Variants in RABGAP1L observed in about 807,000 individuals in gnomAD.
RABGAP1L encodes rab GTPase-activating protein 1-like.
A neutral mutation model predicts 137.7 loss-of-function variants in RABGAP1L; 63 were observed. That is an observed-to-expected ratio of 0.46 (90% CI 0.37 to 0.56). RABGAP1L has a LOEUF of 0.56. Ranked by LOEUF, RABGAP1L falls within the 20% of genes least tolerant of loss-of-function variation. The pLI, the probability that RABGAP1L is intolerant of heterozygous loss-of-function variation, is 0.00. For missense variants in RABGAP1L, 1,095 were observed against 1,244.0 expected (o/e 0.88, Z 1.80); for synonymous variants, 431 against 433.7 (o/e 0.99, Z 0.08).
chr1:174,865,312 G>C (rs1267311422), intron 19 of RABGAP1L, among the ~76,000 whole-genome samples: 3 of 152,180 alleles, frequency 2.0e-5, no homozygotes, highest in African/African-American at 7.2e-5. Context: ...CTGCATTCCA[G>C]CGTGGGTGAC....
At chr1:174,257,116 C>T (rs1025353372) in intron 7 of RABGAP1L, among the ~76,000 whole-genome samples, 1 of 152,098 alleles carries the variant, frequency 6.6e-6, no homozygotes, top group Non-Finnish European at 1.5e-5. Context: ...TAGAATCAAC[C>T]AGTTGGAGCC....
chr1:174,480,847 G>A (rs1659015646), intron 13 of RABGAP1L, among the ~76,000 whole-genome samples: 1 of 152,146 alleles, frequency 6.6e-6, no homozygotes, highest in Admixed American at 6.5e-5. Flanking sequence ...TGACCTTTTT[G>A]GGGTGCCTTT....
chr1:174,747,582 A>G (rs1683983718), intron 17 of RABGAP1L, among the ~76,000 whole-genome samples: 1 of 152,142 alleles, frequency 6.6e-6, no homozygotes, highest in African/African-American at 2.4e-5. Context: ...ATAAGCAGAT[A>G]TAGTAATACC....
intron 13 of RABGAP1L, among the ~76,000 whole-genome samples, chr1:174,578,683 G>T (rs1009527385): frequency 6.6e-6 from 1 of 152,072 alleles, no homozygotes; most frequent in East Asian, 1.9e-4. Flanking sequence ...ACCTAGAAAA[G>T]ATAGTTTATG....
intron 19 of RABGAP1L, among the ~76,000 whole-genome samples, chr1:174,906,487 G>A (rs1476299404): frequency 6.6e-6 from 1 of 152,056 alleles, no homozygotes; most frequent in African/African-American, 2.4e-5. Context: ...AATTAGCGGG[G>A]TGTGGTGGCA....
At chr1:174,415,790 T>G (rs11799535) in intron 13 of RABGAP1L, among the ~76,000 whole-genome samples, 31,532 of 151,580 alleles carry the variant, frequency 0.21, 3,626 homozygotes, top group Admixed American at 0.24. Flanking sequence ...ACTGTAGCTT[T>G]CTTTCTTTAC....
chr1:174,528,000 C>A (rs1177660256), intron 13 of RABGAP1L, among the ~76,000 whole-genome samples: 2 of 146,266 alleles, frequency 1.4e-5, no homozygotes, highest in Non-Finnish European at 3.0e-5. Context: ...TTTGAGTAGA[C>A]TTTTTCCATT....
intron 18 of RABGAP1L, among the ~76,000 whole-genome samples, chr1:174,809,840 T>C (rs1011980047): frequency 6.6e-6 from 1 of 152,158 alleles, no homozygotes; most frequent in Non-Finnish European, 1.5e-5. Context: ...AATTCAGCCG[T>C]TGATATTTTA....
chr1:174,393,896 C>A, intron 12 of RABGAP1L, 99 bp from the exon 13 acceptor site: 1 of 1,365,332 alleles, frequency 7.3e-7, no homozygotes, highest in Non-Finnish European at 1.0e-6. Flanking sequence ...TCTCTTGACC[C>A]AAGCTTACAC....
At chr1:174,879,509 A>C (rs1653798338) in intron 19 of RABGAP1L, among the ~76,000 whole-genome samples, 1 of 152,148 alleles carries the variant, frequency 6.6e-6, no homozygotes, top group Non-Finnish European at 1.5e-5. Context: ...CTGGGATTGC[A>C]GGTGTGAGCC....
chr1:174,457,962 A>G (rs1049642930), intron 13 of RABGAP1L, among the ~76,000 whole-genome samples: 1 of 152,222 alleles, frequency 6.6e-6, no homozygotes, highest in Non-Finnish European at 1.5e-5. Flanking sequence ...TTTGAATAAT[A>G]GAATCACTCA....
intron 17 of RABGAP1L, among the ~76,000 whole-genome samples, chr1:174,747,270 G>GCA (rs1683946686): frequency 6.6e-6 from 1 of 151,886 alleles, no homozygotes; most frequent in Admixed American, 6.6e-5. Context: ...AGATATGGTG[G>GCA]CACACACATG....
chr1:174,664,179 C>T (rs1024102784), intron 14 of RABGAP1L, among the ~76,000 whole-genome samples: 3 of 152,144 alleles, frequency 2.0e-5, no homozygotes, highest in Admixed American at 1.3e-4. Flanking sequence ...CGTCTATTAT[C>T]CCCTAGGTGT....
intron 19 of RABGAP1L, among the ~76,000 whole-genome samples, chr1:174,857,617 A>G (rs1649539761): frequency 6.6e-6 from 1 of 152,110 alleles, no homozygotes; most frequent in Admixed American, 6.5e-5. Flanking sequence ...TAACCCTCCT[A>G]TCTCTGAAAT....
intron 18 of RABGAP1L, among the ~76,000 whole-genome samples, chr1:174,802,900 G>A (rs1227685840): frequency 6.6e-6 from 1 of 152,190 alleles, no homozygotes; most frequent in Non-Finnish European, 1.5e-5. Flanking sequence ...CTCCTAAGAG[G>A]AATCCTGCCA....
At chr1:174,597,544 G>A (rs1670054395) in intron 13 of RABGAP1L, among the ~76,000 whole-genome samples, 1 of 151,676 alleles carries the variant, frequency 6.6e-6, no homozygotes, top group African/African-American at 2.4e-5. Flanking sequence ...AATTTCTGTG[G>A]AATCAGTTGT....
chr1:174,865,660 G>A (rs1651077961), intron 19 of RABGAP1L, among the ~76,000 whole-genome samples: 1 of 152,056 alleles, frequency 6.6e-6, no homozygotes, highest in South Asian at 2.1e-4. Context: ...ATATTGCCAG[G>A]CACAGTAACT....
chr1:174,340,518 G>T (rs1681881917), intron 11 of RABGAP1L, among the ~76,000 whole-genome samples: 1 of 152,150 alleles, frequency 6.6e-6, no homozygotes, highest in South Asian at 2.1e-4. Context: ...ATGAGAATAT[G>T]CAGTGTTTGC....
At chr1:174,303,310 C>T (rs1013943815) in intron 10 of RABGAP1L, among the ~76,000 whole-genome samples, 9 of 151,810 alleles carry the variant, frequency 5.9e-5, no homozygotes, top group Non-Finnish European at 1.2e-4. Flanking sequence ...TAAATCCTGC[C>T]CTAAGGATTA....
Sources: allele counts gnomAD v4.1 joint callset (sites outside exome capture counted in the v4.1 genomes callset), GRCh38; gene constraint gnomAD v4.1.1; transcripts MANE v1.5; gene names NCBI Gene and HGNC (gene_info 2026-07-23, HGNC 2026-07-21).